Variants in ROBO1 observed in about 807,000 individuals in gnomAD.
ROBO1 encodes the protein roundabout guidance receptor 1, also known as roundabout homolog 1.
In ROBO1, 149 loss-of-function variants were observed where a neutral mutation model predicts 195.9. That is an observed-to-expected ratio of 0.76 (90% CI 0.67 to 0.87). The LOEUF (loss-of-function observed/expected upper bound fraction) is 0.87, where lower values mean the gene tolerates loss of function less well. Ranked by LOEUF, ROBO1 falls within the 40% of genes least tolerant of loss-of-function variation. ROBO1 has a pLI of 0.00. For synonymous variants in ROBO1, 816 were observed against 733.2 expected, an observed-to-expected ratio of 1.11 and a Z score of -1.82; for missense variants, 1,933 against 2,068.3, an observed-to-expected ratio of 0.93 and a Z score of 1.27.
chr3:78,738,294 C>T (rs142822362), intron 5 of ROBO1, among the ~76,000 whole-genome samples: 3 of 152,040 alleles, frequency 2.0e-5, no homozygotes, highest in Non-Finnish European at 4.4e-5. Flanking sequence ...CAAAGACACA[C>T]AGGAAGCAGA....
Position 78,625,096 on chromosome 3 carries a change from A to G in ROBO1, c.3875+2225T>C, listed in dbSNP as rs543561099. 5.3e-5 allele frequency among the ~76,000 whole-genome samples: 8 copies of G among 152,330 alleles called. No individual in the cohort carries two copies. The East Asian group carries it at 1.2e-3, about 22-fold the overall frequency. On this transcript the variant is annotated intron_variant, in intron 26 of 30. Transcript: ENST00000464233. ...CCAGACTTCTTGTGTGCAAATAAAA[A>G]TACTGTGAGAATGAACAGAAAAACA...
intron 3 of ROBO1, among the ~76,000 whole-genome samples, chr3:79,032,425 T>C (rs1051040034): frequency 6.6e-6 from 1 of 151,970 alleles, no homozygotes; most frequent in Non-Finnish European, 1.5e-5. Flanking sequence ...AAATTTAACT[T>C]AATAAATTAA....
At chr3:79,315,681 A>G (rs2033698492) in intron 2 of ROBO1, among the ~76,000 whole-genome samples, 2 of 152,222 alleles carry the variant, frequency 1.3e-5, no homozygotes, top group South Asian at 2.1e-4. Context: ...TTTTTGATAT[A>G]TTAAATTCAA....
chr3:79,720,055 T>A (rs1702637080), intron 1 of ROBO1, among the ~76,000 whole-genome samples: 1 of 152,114 alleles, frequency 6.6e-6, no homozygotes, highest in Admixed American at 6.5e-5. Context: ...TTAAAAATAG[T>A]TTTTGAAATT....
At chr3:78,836,109 T>C (rs2032686912) in intron 4 of ROBO1, among the ~76,000 whole-genome samples, 1 of 152,204 alleles carries the variant, frequency 6.6e-6, no homozygotes, top group African/African-American at 2.4e-5. Flanking sequence ...ATGGTAAAAT[T>C]TGTAAATCAA....
intron 5 of ROBO1, among the ~76,000 whole-genome samples, chr3:78,725,805 G>A (rs2082147879): frequency 6.6e-6 from 1 of 152,064 alleles, no homozygotes; most frequent in Non-Finnish European, 1.5e-5. Flanking sequence ...TTATCCGAGA[G>A]TACACAGCTT....
At chr3:79,212,544 G>A (rs1001587931) in intron 2 of ROBO1, among the ~76,000 whole-genome samples, 6 of 152,136 alleles carry the variant, frequency 3.9e-5, no homozygotes, top group Admixed American at 6.6e-5. Flanking sequence ...ATCCTAGGCT[G>A]GGCGTGGTGG....
chr3:78,992,738 A>C (rs2108068376), intron 3 of ROBO1, among the ~76,000 whole-genome samples: 1 of 152,290 alleles, frequency 6.6e-6, no homozygotes, highest in East Asian at 1.9e-4. Context: ...CAAGACCAAG[A>C]CAAGTAAAAA....
chr3:79,056,796 C>T (rs554236596), intron 3 of ROBO1, among the ~76,000 whole-genome samples: 1 of 152,152 alleles, frequency 6.6e-6, no homozygotes, highest in African/African-American at 2.4e-5. Context: ...ATTGCACTCC[C>T]CTACTGGGAT....
chr3:78,981,826 A>ACACACACACACAC (rs1559556530), intron 3 of ROBO1, among the ~76,000 whole-genome samples: 2 of 135,458 alleles, frequency 1.5e-5, no homozygotes, highest in African/African-American at 5.9e-5. Flanking sequence ...CACACACACA[A>ACACACACACACAC]AAACACACCC....
At position 79,586,137 on chromosome 3, in the gene ROBO1, C is replaced by T. The variant is rs570454108; in HGVS notation, c.88+3687G>A. 5.9e-5 allele frequency among the ~76,000 whole-genome samples: 9 copies of T among 151,952 alleles called. No individual in the cohort carries two copies. The South Asian group carries it at 1.9e-3, about 31-fold the overall frequency. On this transcript the variant is annotated intron_variant, in intron 2 of 30. Coordinates refer to ENST00000464233, the MANE Select transcript of ROBO1 (RefSeq NM_002941.4). ...CATGTCAAAGGAGATTTTTTAAAAT[C>T]TGAAATAAATCCTCAAGTCTATTCA...
chr3:79,456,187 T>C (rs1173121027), intron 2 of ROBO1, among the ~76,000 whole-genome samples: 1 of 152,144 alleles, frequency 6.6e-6, no homozygotes, highest in Non-Finnish European at 1.5e-5. Context: ...AAATATCTAA[T>C]GGAAAAGTAA....
chr3:78,839,943 A>G (rs1576268033), intron 4 of ROBO1, among the ~76,000 whole-genome samples: 1 of 152,238 alleles, frequency 6.6e-6, no homozygotes, highest in Admixed American at 6.5e-5. Flanking sequence ...TGAACAAATG[A>G]TAACAAAAAG....
intron 2 of ROBO1, among the ~76,000 whole-genome samples, chr3:79,190,885 C>A (rs1202023173): frequency 6.6e-6 from 1 of 151,450 alleles, no homozygotes; most frequent in Non-Finnish European, 1.5e-5. Context: ...GCAAAAAAAT[C>A]AAACTTAAAT....
intron 2 of ROBO1, among the ~76,000 whole-genome samples, chr3:79,216,079 C>T (rs557570011): frequency 6.6e-6 from 1 of 151,926 alleles, no homozygotes; most frequent in Non-Finnish European, 1.5e-5. Flanking sequence ...ACAAATTCTC[C>T]TTTAGGTATT....
intron 2 of ROBO1, among the ~76,000 whole-genome samples, chr3:79,143,509 A>G (rs2080576446): frequency 6.6e-6 from 1 of 151,964 alleles, no homozygotes; most frequent in South Asian, 2.1e-4. Flanking sequence ...AAGAGAATAA[A>G]GATATTGTTG....
At chr3:79,107,117 T>C (rs73848834) in intron 3 of ROBO1, among the ~76,000 whole-genome samples, 2,014 of 139,630 alleles carry the variant, frequency 0.014, 47 homozygotes, top group African/African-American at 0.048. Flanking sequence ...TCTCTCTCTC[T>C]CTCTCTCTCT....
chr3:79,147,937 T>G (rs2080688132), intron 2 of ROBO1, among the ~76,000 whole-genome samples: 1 of 151,966 alleles, frequency 6.6e-6, no homozygotes, highest in Admixed American at 6.6e-5. Flanking sequence ...CCATGCCTGC[T>G]TATAGTTAGC....
chr3:78,966,193 T>C (rs1356495939), intron 3 of ROBO1, among the ~76,000 whole-genome samples: 1 of 152,130 alleles, frequency 6.6e-6, no homozygotes, highest in East Asian at 1.9e-4. Flanking sequence ...TCCAAAACCA[T>C]TCCCTGCCCC....
Sources: gnomAD v4.1 joint callset for allele counts (sites outside exome capture counted in the v4.1 genomes callset) on GRCh38, gnomAD v4.1.1 for gene constraint, MANE v1.5 for transcripts, NCBI Gene and HGNC (gene_info 2026-07-23, HGNC 2026-07-21) for gene names.